Variants in SPMIP5 observed in about 807,000 individuals in gnomAD.
SPMIP5 encodes the protein sperm microtubule inner protein 5, also known as sperm-associated microtubule inner protein 5.
the SPMIP5 span, chr10:116,665,418 AAAAGAAAAAGAAAG>A: frequency 1.8e-6 from 1 of 569,598 alleles, no homozygotes; most frequent in Non-Finnish European, 3.0e-6. Flanking sequence ...AAAAAAAAAA[AAAAGAAAAAGAAAG>A]AAAGAAAAAG....
the SPMIP5 span, among the ~76,000 whole-genome samples, chr10:116,668,933 G>GCACACGCACACACACA: frequency 7.4e-6 from 1 of 135,282 alleles, no homozygotes; most frequent in African/African-American, 2.9e-5. Context: ...GCACACACAT[G>GCACACGCACACACACA]CACACACACA....
chr10:116,667,599 C>T, the SPMIP5 span, among the ~76,000 whole-genome samples: 4 of 152,178 alleles, frequency 2.6e-5, no homozygotes, highest in East Asian at 1.9e-4. Flanking sequence ...CTCCTGAGAA[C>T]GGCTGTATGG....
chr10:116,666,151 A>T, the SPMIP5 span, among the ~76,000 whole-genome samples: 1 of 152,240 alleles, frequency 6.6e-6, no homozygotes, highest in Admixed American at 6.5e-5. Flanking sequence ...GGCCAAAATG[A>T]TAGTCTAAGG....
the SPMIP5 span, chr10:116,663,693 G>T: frequency 1.9e-6 from 1 of 539,314 alleles, no homozygotes; most frequent in Non-Finnish European, 3.2e-6. Flanking sequence ...AGAAACTTTA[G>T]CATGCGGAGA....
At chr10:116,664,819 T>C in the SPMIP5 span, 1 of 1,614,154 alleles carries the variant, frequency 6.2e-7, no homozygotes, top group South Asian at 1.1e-5. Context: ...AGGAAGTCCT[T>C]GTAGCAGTTT....
the SPMIP5 span, chr10:116,664,929 T>G: frequency 6.2e-7 from 1 of 1,613,146 alleles, no homozygotes. Flanking sequence ...CTGGAGAGGT[T>G]TCTTTACATA....
At chr10:116,665,740 G>T in the SPMIP5 span, 3 of 1,614,096 alleles carry the variant, frequency 1.9e-6, no homozygotes, top group South Asian at 2.2e-5. Flanking sequence ...TCTTTATAGC[G>T]CTGTGTTTTC....
At chr10:116,664,260 AC>A in the SPMIP5 span, 1 of 1,597,530 alleles carries the variant, frequency 6.3e-7, no homozygotes, top group East Asian at 2.3e-5. Context: ...TGTGGAGCTA[AC>A]TCCATATATT....
the SPMIP5 span, chr10:116,664,198 T>C: frequency 1.2e-6 from 2 of 1,614,096 alleles, no homozygotes; most frequent in South Asian, 1.1e-5. Context: ...TCGGGATATT[T>C]TGGCAGCAGC....
At chr10:116,662,410 T>C in the SPMIP5 span, among the ~76,000 whole-genome samples, 3 of 152,208 alleles carry the variant, frequency 2.0e-5, no homozygotes, top group East Asian at 5.8e-4. Context: ...GTTTGTTGCC[T>C]GCATTCATCA....
chr10:116,663,867 C>T, the SPMIP5 span: 4 of 1,487,452 alleles, frequency 2.7e-6, no homozygotes, highest in South Asian at 3.9e-5. Context: ...GTTTTGGAAG[C>T]CCCACTTAAA....
the SPMIP5 span, among the ~76,000 whole-genome samples, chr10:116,668,964 CACACACAA>C: frequency 2.0e-5 from 3 of 151,186 alleles, no homozygotes; most frequent in African/African-American, 4.9e-5. Flanking sequence ...CACACACACA[CACACACAA>C]ACAAGGGAGA....
the SPMIP5 span, chr10:116,663,656 C>T: frequency 5.1e-5 from 22 of 429,648 alleles, no homozygotes; most frequent in Non-Finnish European, 8.2e-5. Context: ...AGCTCATGGT[C>T]AACATAACCT....
At chr10:116,664,702 T>C in the SPMIP5 span, 12 of 1,579,998 alleles carry the variant, frequency 7.6e-6, no homozygotes, top group Non-Finnish European at 1.0e-5. Flanking sequence ...ACCCCCATCC[T>C]GGGTTTGCAC....
At chr10:116,663,925 G>A in the SPMIP5 span, 1 of 1,536,730 alleles carries the variant, frequency 6.5e-7, no homozygotes, top group African/African-American at 1.4e-5. Flanking sequence ...TGCATACTTT[G>A]CGGAGGACAG....
chr10:116,662,857 C>G, the SPMIP5 span, among the ~76,000 whole-genome samples: 2 of 152,160 alleles, frequency 1.3e-5, no homozygotes, highest in Non-Finnish European at 2.9e-5. Context: ...AGGGCATGCT[C>G]CTGATCCAGT....
the SPMIP5 span, among the ~76,000 whole-genome samples, chr10:116,662,883 G>A: frequency 6.6e-6 from 1 of 152,134 alleles, no homozygotes; most frequent in Non-Finnish European, 1.5e-5. Flanking sequence ...TGGTGTCCTT[G>A]TAAGAAGACG....
At chr10:116,669,646 G>C in the SPMIP5 span, among the ~76,000 whole-genome samples, 24 of 152,176 alleles carry the variant, frequency 1.6e-4, no homozygotes, top group African/African-American at 5.8e-4. Context: ...ATGAGTTCCT[G>C]TTGGAACCCC....
the SPMIP5 span, chr10:116,668,122 A>G: frequency 1.1e-5 from 9 of 820,690 alleles, no homozygotes; most frequent in East Asian, 7.3e-5. Flanking sequence ...AATGCTCTCA[A>G]TGCATGTCTG....
Sources: allele counts gnomAD v4.1 joint callset (sites outside exome capture counted in the v4.1 genomes callset), GRCh38; gene constraint gnomAD v4.1.1; transcripts MANE v1.5; gene names NCBI Gene and HGNC (gene_info 2026-07-23, HGNC 2026-07-21).